NCKAP5: variants seen among roughly 807,000 people sequenced by gnomAD.
NCKAP5 encodes NCK associated protein 5.
Under a neutral mutation model 167.0 loss-of-function variants are expected in NCKAP5, and 92 were observed. The observed-to-expected ratio is 0.55, with a 90% CI of 0.47 to 0.66. The LOEUF is 0.66. Ranked by LOEUF, NCKAP5 falls within the 30% of genes least tolerant of loss-of-function variation. The pLI is 0.00. For synonymous variants in NCKAP5, 891 were observed against 877.4 expected (o/e 1.02, Z -0.27); for missense variants, 2,378 against 2,315.0 (o/e 1.03, Z -0.56).
the NCKAP5 span, among the ~76,000 whole-genome samples, chr2:133,619,369 A>T: frequency 3.3e-5 from 5 of 152,102 alleles, no homozygotes; most frequent in Admixed American, 1.3e-4. Context: ...AAAATACTTC[A>T]GCGAAACAGA....
Position 132,848,609 on chromosome 2 carries a change from ATTCTTATCCTC to A in NCKAP5, c.807+11872_807+11882del, listed in dbSNP as rs1688847024. 2.0e-5 allele frequency among the ~76,000 whole-genome samples: 3 copies of A among 152,324 alleles called. No individual in the cohort carries two copies. The South Asian group carries it at 6.2e-4, about 32-fold the overall frequency. On this transcript the variant is annotated intron_variant, in intron 11 of 19. Transcript: ENST00000409261. Reference sequence around the variant, plus strand: ...TATAAAATATGATTTTGAAGACATGATTCTTATCCTCTTCCATTCACTAGTTAGCTATTTGG... The same window carrying A: ...TATAAAATATGATTTTGAAGACATGATTCCATTCACTAGTTAGCTATTTGG...
At position 133,117,222 on chromosome 2, in the gene NCKAP5, C is replaced by T. The variant is rs563472490; in HGVS notation, c.341+12756G>A. Reference sequence around the variant, plus strand: ...TCATTTCACTGTTATAACACTGGTACCTAAAATAGTGCTGGCACTTGGTAA... The same window carrying T: ...TCATTTCACTGTTATAACACTGGTATCTAAAATAGTGCTGGCACTTGGTAA... On this transcript the variant is annotated intron_variant, in intron 6 of 19. Transcript: ENST00000409261. The T allele has an allele frequency of 4.6e-5, 7 of 152,240 alleles. No individual in the cohort carries two copies. In the East Asian group the frequency reaches 1.4e-3, roughly 29 times the overall value. 9.4% of individuals were successfully genotyped at this position (152,240 alleles called of 1,614,324 possible).
chr2:133,228,413 C>T (rs1435365074), intron 4 of NCKAP5, among the ~76,000 whole-genome samples: 1 of 152,124 alleles, frequency 6.6e-6, no homozygotes, highest in Admixed American at 6.5e-5. Flanking sequence ...CATTAAATAC[C>T]TTACTAACAT....
chr2:132,834,993 T>A (rs771813675), intron 11 of NCKAP5, among the ~76,000 whole-genome samples: 3 of 152,208 alleles, frequency 2.0e-5, no homozygotes, highest in Non-Finnish European at 4.4e-5. Flanking sequence ...GTTCCTTTAA[T>A]GCCTACTTTG....
At chr2:132,841,383 T>C (rs1420678072) in intron 11 of NCKAP5, among the ~76,000 whole-genome samples, 1 of 152,158 alleles carries the variant, frequency 6.6e-6, no homozygotes, top group Admixed American at 6.5e-5. Context: ...ATATTTACTT[T>C]CAATCCAATG....
chr2:133,337,663 A>C (rs1683302945), intron 3 of NCKAP5, among the ~76,000 whole-genome samples: 1 of 152,244 alleles, frequency 6.6e-6, no homozygotes, highest in African/African-American at 2.4e-5. Flanking sequence ...GTGTGAACAC[A>C]CAGCAAGAAG....
At chr2:132,883,982 CTGTT>C (rs569624724) in intron 8 of NCKAP5, among the ~76,000 whole-genome samples, 15 of 152,188 alleles carry the variant, frequency 9.9e-5, no homozygotes, top group Non-Finnish European at 1.8e-4. Flanking sequence ...CGGAAAAAGT[CTGTT>C]TGAGAGTGAC....
chr2:133,038,502 A>G (rs2079108799), intron 6 of NCKAP5, among the ~76,000 whole-genome samples: 1 of 152,130 alleles, frequency 6.6e-6, no homozygotes, highest in Non-Finnish European at 1.5e-5. Context: ...GAGGGTGGGG[A>G]TGGTTAACAT....
intron 6 of NCKAP5, among the ~76,000 whole-genome samples, chr2:133,102,928 C>T (rs907869024): frequency 6.6e-6 from 1 of 152,172 alleles, no homozygotes; most frequent in Non-Finnish European, 1.5e-5. Context: ...CGAAATGCCA[C>T]CTTCCCTCTT....
intron 5 of NCKAP5, among the ~76,000 whole-genome samples, chr2:133,139,119 G>C (rs1054328675): frequency 3.9e-5 from 6 of 152,096 alleles, no homozygotes; most frequent in Admixed American, 2.6e-4. Flanking sequence ...ATACCCCGAG[G>C]GCCTGTAAAC....
chr2:132,724,181 A>G (rs1034837221), intron 19 of NCKAP5, among the ~76,000 whole-genome samples: 1 of 151,862 alleles, frequency 6.6e-6, no homozygotes, highest in Non-Finnish European at 1.5e-5. Flanking sequence ...CCTTCTGACT[A>G]TTCCACTTCA....
intron 11 of NCKAP5, among the ~76,000 whole-genome samples, chr2:132,817,621 T>C (rs1686378696): frequency 6.6e-6 from 1 of 152,212 alleles, no homozygotes; most frequent in South Asian, 2.1e-4. Context: ...CCATTTTTCC[T>C]TTCCTTTCAG....
At chr2:133,206,492 TCTTTA>T (rs1326398541) in intron 5 of NCKAP5, among the ~76,000 whole-genome samples, 1 of 152,224 alleles carries the variant, frequency 6.6e-6, no homozygotes, top group Non-Finnish European at 1.5e-5. Context: ...CTTATGCCTG[TCTTTA>T]CTTTAATCTC....
chr2:133,642,705 C>G, the NCKAP5 span, among the ~76,000 whole-genome samples: 12 of 152,342 alleles, frequency 7.9e-5, no homozygotes, highest in African/African-American at 2.9e-4. Flanking sequence ...ACAGGAAACA[C>G]TACCTTCAGT....
At chr2:133,077,133 A>G (rs2080632546) in intron 6 of NCKAP5, among the ~76,000 whole-genome samples, 1 of 152,208 alleles carries the variant, frequency 6.6e-6, no homozygotes, top group Non-Finnish European at 1.5e-5. Flanking sequence ...GACAGCAATG[A>G]ATTTCATTCA....
At chr2:133,534,691 T>C (rs1047264839) in intron 2 of NCKAP5, among the ~76,000 whole-genome samples, 7 of 152,222 alleles carry the variant, frequency 4.6e-5, no homozygotes, top group African/African-American at 1.7e-4. Flanking sequence ...AATTGACTAA[T>C]ATTCTATTAT....
chr2:133,451,306 C>A (rs1213010169), intron 3 of NCKAP5, among the ~76,000 whole-genome samples: 1 of 152,186 alleles, frequency 6.6e-6, no homozygotes, highest in Non-Finnish European at 1.5e-5. Flanking sequence ...CCTCACCTTT[C>A]TCTGCATTTC....
intron 8 of NCKAP5, among the ~76,000 whole-genome samples, chr2:132,920,696 T>A (rs13014801): frequency 0.14 from 13,892 of 100,460 alleles, 2,561 homozygotes; most frequent in African/African-American, 0.33. Flanking sequence ...TTTATATATA[T>A]ATATACGTAT....
At chr2:133,233,689 T>C (rs2087258245) in intron 4 of NCKAP5, among the ~76,000 whole-genome samples, 1 of 152,194 alleles carries the variant, frequency 6.6e-6, no homozygotes. Context: ...ACCTTCAACA[T>C]AATTAGCTGG....
Sources: allele counts gnomAD v4.1 joint callset (sites outside exome capture counted in the v4.1 genomes callset), GRCh38; gene constraint gnomAD v4.1.1; transcripts MANE v1.5; gene names NCBI Gene and HGNC (gene_info 2026-07-23, HGNC 2026-07-21).